The following KHDRBS2 variants were observed in gnomAD, a reference collection of about 807,000 sequenced individuals.
KHDRBS2 encodes KH domain-containing, RNA-binding, signal transduction-associated protein 2.
In KHDRBS2, 26 loss-of-function variants were observed where a neutral mutation model predicts 44.3. The observed-to-expected ratio is 0.59, with a 90% CI of 0.43 to 0.81. The LOEUF is 0.81. KHDRBS2 is among the 40% of genes least tolerant of loss of function. The pLI is 0.00. For synonymous variants in KHDRBS2, 194 were observed against 151.1 expected (o/e 1.28, Z -2.08); for missense variants, 476 against 433.1 (o/e 1.10, Z -0.88).
At chr6:61,724,069 A>C (rs1424299024) in intron 7 of KHDRBS2, among the ~76,000 whole-genome samples, 1 of 152,200 alleles carries the variant, frequency 6.6e-6, no homozygotes, top group Non-Finnish European at 1.5e-5. Context: ...CCAGAGAGAA[A>C]GACCAGGTCA....
At chr6:61,547,881 T>C in the KHDRBS2 span, among the ~76,000 whole-genome samples, 1 of 152,152 alleles carries the variant, frequency 6.6e-6, no homozygotes, top group Non-Finnish European at 1.5e-5. Flanking sequence ...AACCATATGA[T>C]AGTAAATTAT....
chr6:62,153,832 C>G (rs1815765823), intron 2 of KHDRBS2, among the ~76,000 whole-genome samples: 1 of 152,166 alleles, frequency 6.6e-6, no homozygotes, highest in African/African-American at 2.4e-5. Context: ...CCTCAAAACT[C>G]TCCATCCAGG....
intron 3 of KHDRBS2, among the ~76,000 whole-genome samples, chr6:62,037,063 C>G (rs1204435038): frequency 6.6e-6 from 1 of 151,866 alleles, no homozygotes; most frequent in Non-Finnish European, 1.5e-5. Flanking sequence ...AAAGCATACT[C>G]TTGCCTTACT....
chr6:61,622,527 T>C, the KHDRBS2 span, among the ~76,000 whole-genome samples: 20 of 152,216 alleles, frequency 1.3e-4, no homozygotes, highest in Non-Finnish European at 4.4e-5. Flanking sequence ...AGTCTGAATA[T>C]GCAAAGATGT....
chr6:61,967,515 A>T (rs1332554916), intron 4 of KHDRBS2, among the ~76,000 whole-genome samples: 1 of 151,788 alleles, frequency 6.6e-6, no homozygotes, highest in Non-Finnish European at 1.5e-5. Flanking sequence ...CTGAAAGGAG[A>T]GTTATAAAGG....
chr6:62,264,956 C>T (rs1363942908), intron 1 of KHDRBS2, among the ~76,000 whole-genome samples: 2 of 151,852 alleles, frequency 1.3e-5, no homozygotes, highest in Admixed American at 6.6e-5. Context: ...CCTGCCCCTA[C>T]CCACTGAAAC....
intron 1 of KHDRBS2, among the ~76,000 whole-genome samples, chr6:62,232,540 A>G (rs1177424681): frequency 2.6e-5 from 4 of 152,098 alleles, no homozygotes; most frequent in Non-Finnish European, 5.9e-5. Context: ...ACAACAAAAC[A>G]TACACCTGAA....
At chr6:61,775,968 A>T (rs1247304411) in intron 6 of KHDRBS2, among the ~76,000 whole-genome samples, 2 of 151,978 alleles carry the variant, frequency 1.3e-5, no homozygotes, top group South Asian at 4.2e-4. Flanking sequence ...ACAGAACAGA[A>T]CCCTCAGAAA....
chr6:62,253,758 G>A (rs1417175773), intron 1 of KHDRBS2, among the ~76,000 whole-genome samples: 1 of 151,886 alleles, frequency 6.6e-6, no homozygotes, highest in Admixed American at 6.6e-5. Flanking sequence ...CTGACCCTGA[G>A]GCCCAAATGC....
At chr6:61,797,487 C>T (rs1286444523) in intron 6 of KHDRBS2, among the ~76,000 whole-genome samples, 9 of 151,998 alleles carry the variant, frequency 5.9e-5, no homozygotes, top group South Asian at 2.1e-4. Flanking sequence ...CATTTTCATC[C>T]CAAAAACATT....
At chr6:61,551,669 T>C in the KHDRBS2 span, among the ~76,000 whole-genome samples, 1 of 152,074 alleles carries the variant, frequency 6.6e-6, no homozygotes, top group Non-Finnish European at 1.5e-5. Context: ...GACCAGATGG[T>C]TGTAGGTGTG....
the KHDRBS2 span, among the ~76,000 whole-genome samples, chr6:61,674,465 A>G: frequency 6.6e-6 from 1 of 151,726 alleles, no homozygotes; most frequent in African/African-American, 2.4e-5. Context: ...CCTCTTCTGT[A>G]AAATGAGTTT....
At chr6:62,096,703 A>G (rs1448172358) in intron 2 of KHDRBS2, among the ~76,000 whole-genome samples, 1 of 151,670 alleles carries the variant, frequency 6.6e-6, no homozygotes, top group African/African-American at 2.4e-5. Context: ...GATTTAAAAA[A>G]TCTCTATTTC....
the KHDRBS2 span, among the ~76,000 whole-genome samples, chr6:61,632,003 T>TAAAC: frequency 6.6e-6 from 1 of 152,172 alleles, no homozygotes; most frequent in African/African-American, 2.4e-5. Flanking sequence ...AGAATAAACA[T>TAAAC]AAACAGAGAA....
chr6:62,129,810 T>C (rs1185787230), intron 2 of KHDRBS2, among the ~76,000 whole-genome samples: 1 of 152,126 alleles, frequency 6.6e-6, no homozygotes, highest in African/African-American at 2.4e-5. Flanking sequence ...TAGATGGTTT[T>C]CATGAGCACA....
chr6:62,107,833 A>T (rs2127380200), intron 2 of KHDRBS2, among the ~76,000 whole-genome samples: 1 of 152,328 alleles, frequency 6.6e-6, no homozygotes, highest in East Asian at 1.9e-4. Flanking sequence ...GAGAAAAACG[A>T]ACAATGGGGA....
At chr6:61,587,736 T>C in the KHDRBS2 span, among the ~76,000 whole-genome samples, 28 of 152,290 alleles carry the variant, frequency 1.8e-4, no homozygotes, top group African/African-American at 6.0e-4. Flanking sequence ...AGAATGTCGT[T>C]GGTTACAGAA....
chr6:62,089,288 A>T (rs1162974136), intron 2 of KHDRBS2, among the ~76,000 whole-genome samples: 1 of 139,270 alleles, frequency 7.2e-6, no homozygotes, highest in Non-Finnish European at 1.5e-5. Context: ...AAAAAAAAAG[A>T]CTCCTGCAGC....
the KHDRBS2 span, among the ~76,000 whole-genome samples, chr6:61,616,915 C>G: frequency 6.6e-6 from 1 of 152,154 alleles, no homozygotes; most frequent in South Asian, 2.1e-4. Context: ...CTTGCTAAAA[C>G]TATCAGTTAA....
Sources: gnomAD v4.1 joint callset for allele counts (sites outside exome capture counted in the v4.1 genomes callset) on GRCh38, gnomAD v4.1.1 for gene constraint, MANE v1.5 for transcripts, NCBI Gene and HGNC (gene_info 2026-07-23, HGNC 2026-07-21) for gene names.